Variants in SLC6A4 observed in about 807,000 individuals in gnomAD.
SLC6A4 encodes sodium-dependent serotonin transporter.
SLC6A4 carries 22 observed loss-of-function variants against 73.4 expected under a neutral mutation model. The ratio of observed to expected loss-of-function variants is 0.30; its 90% CI spans 0.21 to 0.43. The LOEUF is 0.43. Ranked by LOEUF, SLC6A4 falls within the 20% of genes least tolerant of loss-of-function variation. SLC6A4 has a pLI of 1.00. For missense variants in SLC6A4, 593 were observed against 808.5 expected, an observed-to-expected ratio of 0.73 and a Z score of 3.23; for synonymous variants, 270 against 315.5, an observed-to-expected ratio of 0.86 and a Z score of 1.53.
chr17:30,220,192 G>A (rs8076005), intron 3 of SLC6A4, among the ~76,000 whole-genome samples: 104,854 of 152,070 alleles, frequency 0.69, 39,279 homozygotes, highest in East Asian at 0.89. Flanking sequence ...TAGGTCACGG[G>A]AGAAGTGAGG....
At position 30,194,727 on chromosome 17, in the gene SLC6A4, G is replaced by T. The variant is rs1044558755; in HGVS notation, c.*3729C>A. On this transcript the variant is annotated 3_prime_UTR_variant, in exon 15 of 15. Coordinates refer to ENST00000650711, the MANE Select transcript of SLC6A4 (RefSeq NM_001045.6). ...TTTATGATATTTAAGCAAAAATATG[G>T]GACATCCTTCCTCACCAAATATTTT... The T allele has an allele frequency of 1.3e-5, 2 of 151,986 alleles. No individual in the cohort carries two copies. Among genetic ancestry groups the T allele is most frequent in the African/African-American group, 4.8e-5 (2 of 41,382 alleles). The allele number at this position is 151,986 out of a possible 1,614,324, so 9.4% of individuals were successfully genotyped here. A position where few individuals can be genotyped will look rare whatever the true frequency, so the allele number is the denominator to read the frequency against.
chr17:30,209,217 A>G lies in SLC6A4; in HGVS notation c.1475T>C (p.Leu492Pro), dbSNP rs1361567634. Residue 492 changes from leucine (L) to proline (P), a missense_variant, in exon 12 of 15, where the codon CTG (leucine) becomes CCG (proline). By Grantham distance (98) the Leu-to-Pro change is moderately conservative. Transcript: ENST00000650711. ...TFGGAYVVKL[L>P]EEYATGPAVL... ...TGCGGGCCCCGTGGCATACTCCTCC[A>G]GCAGCTTCACCACGTAGGCCCCTCC... The G allele has an allele frequency of 6.2e-7, 1 of 1,613,502 alleles. No homozygotes were observed. Among genetic ancestry groups the G allele is most frequent in the Non-Finnish European group, 8.5e-7 (1 of 1,179,660 alleles).
At position 30,207,647 on chromosome 17, in the gene SLC6A4, G is replaced by C. The variant is rs536398485; in HGVS notation, c.1650+85C>G. 6.6e-6 allele frequency: 6 copies of C among 902,924 alleles called. No individual in the cohort carries two copies. The Admixed American group carries it at 7.4e-5, about 11-fold the overall frequency. 55.9% of individuals were successfully genotyped at this position (902,924 alleles called of 1,614,324 possible). ...GTTGGGATTACAAGGATGAGCCACC[G>C]TGCCCAGCCATTACAATTCATTTTT... On this transcript the variant is annotated intron_variant, in intron 13 of 14. Coordinates refer to ENST00000650711, the MANE Select transcript of SLC6A4 (RefSeq NM_001045.6).
chr17:30,214,967 TTTC>T (rs1265180263), intron 8 of SLC6A4, among the ~76,000 whole-genome samples: 2 of 142,324 alleles, frequency 1.4e-5, no homozygotes, highest in African/African-American at 2.6e-5. Flanking sequence ...TCCTTCCTTC[TTTC>T]TTCTTTCTTT....
intron 2 of SLC6A4, 33 bp from the exon 3 acceptor site, chr17:30,222,114 A>G (rs1906785364): frequency 2.1e-6 from 3 of 1,443,664 alleles, no homozygotes; most frequent in Non-Finnish European, 2.8e-6. Flanking sequence ...AAGGAGAAAA[A>G]AGTTAGACAT....
rs1490205532 is a variant in SLC6A4, at chr17:30,211,860, C to T, written c.1205-436G>A. Among the ~76,000 whole-genome samples the T allele has an allele frequency of 6.6e-6, 1 of 152,200 alleles. No individual in the cohort carries two copies. Among genetic ancestry groups the T allele is most frequent in the Non-Finnish European group, 1.5e-5 (1 of 68,026 alleles). ...AATGTTAAATTGATTTCCGTAGAGT[C>T]ACAGAGGCTTTGGAATAAAGACCTC... On this transcript the variant is annotated intron_variant, in intron 9 of 14. Coordinates refer to ENST00000650711, the MANE Select transcript of SLC6A4 (RefSeq NM_001045.6). This position sits in a 1 kb window ranked among gnomAD's most constrained non-coding sequence, Gnocchi z 4.0.
At position 30,197,930 on chromosome 17, in the gene SLC6A4, C is replaced by A. The variant is rs1905915365; in HGVS notation, c.*526G>T. 1 of 153,968 alleles carries A rather than the reference C, an allele frequency of 6.5e-6. No individual in the cohort carries two copies. Among genetic ancestry groups the A allele is most frequent in the Non-Finnish European group, 1.5e-5 (1 of 68,814 alleles). 9.5% of individuals were successfully genotyped at this position (153,968 alleles called of 1,614,324 possible). A position where few individuals can be genotyped will look rare whatever the true frequency, so the allele number is the denominator to read the frequency against. ...TTTTCATTTTAGCTTCTTACATCTT[C>A]CTTTCCTGATGCCACAGCAGCACAT... is the stretch of plus-strand genomic sequence containing the variant. On this transcript the variant is annotated 3_prime_UTR_variant, in exon 15 of 15. Transcript: ENST00000650711.
rs928586057 is a variant in SLC6A4 at position 30,222,402 on chromosome 17, T to C, written c.-123-321A>G. Among the ~76,000 whole-genome samples, 6 of 152,346 alleles carry C rather than the reference T, an allele frequency of 3.9e-5. No individual in the cohort carries two copies. The East Asian group carries it at 9.7e-4, about 25-fold the overall frequency. On this transcript the variant is annotated intron_variant, in intron 2 of 14. Transcript: ENST00000650711. ...CCCTTTGAGCCACTGGACTCTCATC[T>C]TGTGGTTTGCCAGCAGCTCAGAAGA...
Position 30,218,835 on chromosome 17 carries a change from C to T in SLC6A4, c.440G>A (p.Cys147Tyr), listed in dbSNP as rs1294341765. 1.2e-6 allele frequency: 2 copies of T among 1,614,042 alleles called. No individual in the cohort carries two copies. Among genetic ancestry groups the T allele is most frequent in the Non-Finnish European group, 1.7e-6 (2 of 1,179,946 alleles). Reference sequence around the variant, plus strand: ...GCAGATTTTCCTCCATATTGAAATGCATCCATTTCGGTGGTACTGTCCCAG... The same window carrying T: ...GCAGATTTTCCTCCATATTGAAATGTATCCATTTCGGTGGTACTGTCCCAG... Reference protein sequence around the residue: ...LALGQYHRNGCISIWRKICPI... With the variant: ...LALGQYHRNGYISIWRKICPI... Residue 147 changes from cysteine (C) to tyrosine (Y), a missense_variant, in exon 4 of 15, where the codon TGC (cysteine) becomes TAC (tyrosine). Physicochemically the swap from Cys to Tyr is radical, Grantham distance 194. Coordinates refer to ENST00000650711, the MANE Select transcript of SLC6A4 (RefSeq NM_001045.6).
In SLC6A4 at chr17:30,226,568, C is replaced by T. The variant is rs147538179; in HGVS notation, c.-220-3653G>A. ...TACAAAAAGTAGCTGGGTGTGGTGG[C>T]GGGTGCCTGTAATCTCAGCTACTTG... On this transcript the variant is annotated intron_variant, in intron 1 of 14. Coordinates refer to ENST00000650711, the MANE Select transcript of SLC6A4 (RefSeq NM_001045.6). 6.1e-3 allele frequency among the ~76,000 whole-genome samples: 935 copies of T among 152,172 alleles called. 12 individuals carry two copies. The highest frequency in any genetic ancestry group is 0.021 in the African/African-American group (859 of 41,516).
At chr17:30,234,790 G>T (rs1907220022) in intron 1 of SLC6A4, among the ~76,000 whole-genome samples, 2 of 152,128 alleles carry the variant, frequency 1.3e-5, no homozygotes, top group Admixed American at 1.3e-4. Flanking sequence ...CAAAGTCTTT[G>T]TAATGTCTGA....
chr17:30,203,405 G>A (rs549989659), intron 13 of SLC6A4, 66 bp from the exon 14 acceptor site: 8 of 1,331,112 alleles, frequency 6.0e-6, no homozygotes, highest in Admixed American at 3.8e-5. Context: ...AGATGTTTCC[G>A]ATACCACAAA....
intron 11 of SLC6A4, among the ~76,000 whole-genome samples, chr17:30,210,102 G>C (rs964702531): frequency 4.0e-5 from 6 of 150,904 alleles, no homozygotes; most frequent in Non-Finnish European, 8.8e-5. Context: ...AGGATCTCTA[G>C]AGAGGGTGTG....
intron 1 of SLC6A4, among the ~76,000 whole-genome samples, chr17:30,229,555 G>C (rs552899594): frequency 6.6e-6 from 1 of 152,196 alleles, no homozygotes; most frequent in South Asian, 2.1e-4. Flanking sequence ...GCACTTTTGA[G>C]GTCTTTAGTT....
intron 1 of SLC6A4, among the ~76,000 whole-genome samples, chr17:30,234,415 A>G (rs1907207560): frequency 6.6e-6 from 1 of 152,208 alleles, no homozygotes; most frequent in South Asian, 2.1e-4. Flanking sequence ...CACAAACCTC[A>G]TAAGAACCTG....
At chr17:30,227,042 C>T (rs1357505228) in intron 1 of SLC6A4, among the ~76,000 whole-genome samples, 2 of 152,178 alleles carry the variant, frequency 1.3e-5, no homozygotes, top group Non-Finnish European at 2.9e-5. Context: ...CAGAGGCTGC[C>T]GCTGGCTCGC....
chr17:30,202,284 G>A (rs1032193203), intron 14 of SLC6A4, among the ~76,000 whole-genome samples: 15 of 152,050 alleles, frequency 9.9e-5, no homozygotes, highest in African/African-American at 3.1e-4. Flanking sequence ...GCCACCATGC[G>A]CAGCTAATTT....
In SLC6A4 at chr17:30,215,709, C is replaced by T. The variant is rs1906550520; in HGVS notation, c.978G>A (p.Trp326Ter). 1 of 1,613,712 alleles carries T rather than the reference C, an allele frequency of 6.2e-7. No individual in the cohort carries two copies. The highest frequency in any genetic ancestry group is 1.7e-5 in the Admixed American group (1 of 59,998). ...AGAAGATCTGAGCGGCTGCATCTATCCACACCTGGAACACAGCAGGGGTAA... is the reference window on the plus strand; with the variant it reads ...AGAAGATCTGAGCGGCTGCATCTATTCACACCTGGAACACAGCAGGGGTAA... ...NWQKLLETGV[W>*]IDAAAQIFFS... is the part of the protein sequence containing the mutation. The change falls in exon 8 of 15, where the codon TGG becomes TGA. Residue 326 changes from tryptophan to a stop codon, truncating the protein, a stop_gained. Transcript: ENST00000650711. LOFTEE classifies it high-confidence loss of function.
intron 8 of SLC6A4, among the ~76,000 whole-genome samples, chr17:30,215,273 C>T (rs1409287167): frequency 1.3e-5 from 2 of 152,158 alleles, no homozygotes; most frequent in Non-Finnish European, 2.9e-5. Flanking sequence ...GAACTCCTGA[C>T]CTCAGGTGAT....
Sources: gnomAD v4.1 joint callset for allele counts (sites outside exome capture counted in the v4.1 genomes callset) on GRCh38, gnomAD v4.1.1 for gene constraint, Gnocchi (gnomAD v3.1) non-coding constraint, MANE v1.5 for transcripts, NCBI Gene and HGNC (gene_info 2026-07-23, HGNC 2026-07-21) for gene names.